Variants in HIVEP2 observed in about 807,000 individuals in gnomAD.
HIVEP2 encodes the protein transcription factor HIVEP2.
In HIVEP2, 14 loss-of-function variants were observed where a neutral mutation model predicts 180.7. The observed-to-expected ratio is 0.08, with a 90% confidence interval of 0.05 to 0.12. The LOEUF (loss-of-function observed/expected upper bound fraction) is 0.12, where lower values mean the gene tolerates loss of function less well. Ranked by LOEUF, HIVEP2 falls within the 10% of genes least tolerant of loss-of-function variation. HIVEP2 has a pLI of 1.00. For synonymous variants in HIVEP2, 1,184 were observed against 1,136.4 expected, an observed-to-expected ratio of 1.04 and a Z score of -0.84; for missense variants, 2,579 against 3,008.5, an observed-to-expected ratio of 0.86 and a Z score of 3.34.
At chr6:142,755,269 T>C (rs1775036224) in intron 9 of HIVEP2, among the ~76,000 whole-genome samples, 1 of 152,228 alleles carries the variant, frequency 6.6e-6, no homozygotes, top group Non-Finnish European at 1.5e-5. Flanking sequence ...ACACTATCGT[T>C]ACCACGACCT....
chr6:142,827,359 A>G lies in HIVEP2; in HGVS notation c.-528+9576T>C, dbSNP rs7774502. On this transcript the variant is annotated intron_variant, in intron 2 of 9. Coordinates refer to ENST00000367603, the MANE Select transcript of HIVEP2 (RefSeq NM_006734.4). ...TATTATTCCTAAAGTTTCAATTATTAATAGTATCCCTATCACCTCCTGCTA... is the reference window on the plus strand; with the variant it reads ...TATTATTCCTAAAGTTTCAATTATTGATAGTATCCCTATCACCTCCTGCTA... Among the ~76,000 whole-genome samples, 514 of 152,318 alleles carry G rather than the reference A, an allele frequency of 3.4e-3. 5 individuals are homozygous for G. The highest frequency in any genetic ancestry group is 0.012 in the African/African-American group (485 of 41,572).
chr6:142,816,044 A>C (rs186342960), intron 2 of HIVEP2, among the ~76,000 whole-genome samples: 1 of 152,336 alleles, frequency 6.6e-6, no homozygotes, highest in Admixed American at 6.5e-5. Context: ...GACACAAAGC[A>C]TGCAGGTGAA....
chr6:142,787,438 A>G (rs1776028847), intron 2 of HIVEP2, among the ~76,000 whole-genome samples: 1 of 152,104 alleles, frequency 6.6e-6, no homozygotes, highest in South Asian at 2.1e-4. Context: ...TTACTCTTAT[A>G]GTAGGGAATA....
chr6:142,844,952 A>G (rs1262075920), intron 1 of HIVEP2, among the ~76,000 whole-genome samples: 1 of 152,226 alleles, frequency 6.6e-6, no homozygotes, highest in African/African-American at 2.4e-5. Context: ...GTCTTCTACA[A>G]ATCTCTTCCC....
intron 2 of HIVEP2, among the ~76,000 whole-genome samples, chr6:142,794,287 C>T (rs917643290): frequency 6.6e-6 from 1 of 152,066 alleles, no homozygotes; most frequent in Admixed American, 6.6e-5. Flanking sequence ...AACAAACACA[C>T]AGATCTCAAT....
At chr6:142,762,452 GCACA>G (rs35168499) in intron 7 of HIVEP2, among the ~76,000 whole-genome samples, 8,687 of 144,004 alleles carry the variant, frequency 0.06, 299 homozygotes, top group Admixed American at 0.11. Flanking sequence ...ACAGAAGAAT[GCACA>G]CACACACACA....
chr6:142,942,679 A>T (rs2128441951), intron 1 of HIVEP2, among the ~76,000 whole-genome samples: 1 of 152,324 alleles, frequency 6.6e-6, no homozygotes, highest in Middle Eastern at 3.4e-3. Flanking sequence ...CTCTACAAGG[A>T]TCTAACCAGT....
chr6:142,917,852 T>C (rs1265048353), intron 1 of HIVEP2, among the ~76,000 whole-genome samples: 6 of 152,184 alleles, frequency 3.9e-5, no homozygotes, highest in Non-Finnish European at 7.3e-5. Context: ...CTTGGCTCAC[T>C]GCAAGCTCCG....
rs1222889223 is a variant in HIVEP2, at chr6:142,945,091, C to G, written c.-641+8G>C. 1 of 147,198 alleles carries G rather than the reference C, an allele frequency of 6.8e-6. No homozygotes were observed. Among genetic ancestry groups the G allele is most frequent in the Non-Finnish European group, 1.5e-5 (1 of 66,274 alleles). The allele number at this position is 147,198 out of a possible 1,614,324, so 9.1% of individuals were successfully genotyped here. A position where few individuals can be genotyped will look rare whatever the true frequency, so the allele number is the denominator to read the frequency against. ...TGCGCCGCGCGCCGCGGCCCCCTCCCCCGCTACCTGACAACGGGCCGCCGC... is the reference window on the plus strand; with the variant it reads ...TGCGCCGCGCGCCGCGGCCCCCTCCGCCGCTACCTGACAACGGGCCGCCGC... On this transcript the variant is annotated splice_region_variant and intron_variant, in intron 1 of 9. Transcript: ENST00000367603. The surrounding 1 kb of genome is among the most constrained non-coding windows in gnomAD (Gnocchi z 5.5).
chr6:142,839,075 T>C (rs1042065751), intron 1 of HIVEP2, among the ~76,000 whole-genome samples: 5 of 152,062 alleles, frequency 3.3e-5, no homozygotes, highest in African/African-American at 1.2e-4. Context: ...AATATATTAG[T>C]CACCCATATG....
intron 1 of HIVEP2, among the ~76,000 whole-genome samples, chr6:142,929,110 A>G (rs1006723719): frequency 6.6e-6 from 1 of 152,118 alleles, no homozygotes; most frequent in Non-Finnish European, 1.5e-5. Context: ...CTCTGCAGCA[A>G]TTCTTGTGTT....
chr6:142,907,112 G>A (rs760094115), intron 1 of HIVEP2, among the ~76,000 whole-genome samples: 20 of 152,156 alleles, frequency 1.3e-4, no homozygotes, highest in African/African-American at 3.9e-4. Context: ...TGAATGGTCC[G>A]TAGCATATTC....
At chr6:142,831,987 T>C (rs1775097745) in intron 2 of HIVEP2, among the ~76,000 whole-genome samples, 1 of 149,950 alleles carries the variant, frequency 6.7e-6, no homozygotes, top group Middle Eastern at 3.4e-3. Context: ...AGGTCAGGAG[T>C]TCAAGACCAG....
rs1366000491 is a variant in HIVEP2 at position 142,772,688 on chromosome 6, A to G, written c.2051T>C (p.Val684Ala). ...ACAGGTAGTTCCAAACATGCTTGGT[A>G]CTCCCTGCAATGGCACCACGGGATC... Reference protein sequence around the residue: ...FMDPVVPLQGVPSMFGTTCEN... With the variant: ...FMDPVVPLQGAPSMFGTTCEN... Residue 684 changes from valine to alanine, a missense_variant, in exon 5 of 10, where the codon GTA (valine) becomes GCA (alanine). By Grantham distance (64) the Val-to-Ala change is moderately conservative. Coordinates refer to ENST00000367603, the MANE Select transcript of HIVEP2 (RefSeq NM_006734.4). The surrounding 1 kb of genome is among the most constrained non-coding windows in gnomAD (Gnocchi z 4.9). 6.2e-7 allele frequency: 1 copy of G among 1,613,688 alleles called. No homozygotes were observed. The highest frequency in any genetic ancestry group is 8.5e-7 in the Non-Finnish European group (1 of 1,179,986).
chr6:142,783,330 A>G (rs1775903893), intron 3 of HIVEP2, among the ~76,000 whole-genome samples, 191 bp downstream of exon 3: 3 of 97,926 alleles, frequency 3.1e-5, no homozygotes, highest in Admixed American at 1.9e-4. Flanking sequence ...CCGTCACAAA[A>G]AAAAAAAAAA....
At chr6:142,914,734 A>G (rs1234048404) in intron 1 of HIVEP2, among the ~76,000 whole-genome samples, 1 of 152,246 alleles carries the variant, frequency 6.6e-6, no homozygotes, top group African/African-American at 2.4e-5. Context: ...TTCATCAAAC[A>G]TAAATATCTA....
intron 2 of HIVEP2, among the ~76,000 whole-genome samples, chr6:142,801,974 C>G (rs1776423534): frequency 6.6e-6 from 1 of 152,182 alleles, no homozygotes; most frequent in African/African-American, 2.4e-5. Flanking sequence ...TTCCATCTCA[C>G]TGTGCCATAT....
chr6:142,847,584 C>T (rs1177454575), intron 1 of HIVEP2, among the ~76,000 whole-genome samples: 1 of 152,110 alleles, frequency 6.6e-6, no homozygotes, highest in Admixed American at 6.5e-5. Context: ...ATGACAAAAT[C>T]AATTCTGTTA....
intron 1 of HIVEP2, among the ~76,000 whole-genome samples, chr6:142,940,493 AT>A (rs1778150239): frequency 6.6e-6 from 1 of 152,186 alleles, no homozygotes; most frequent in Non-Finnish European, 1.5e-5. Flanking sequence ...TAACATGATC[AT>A]TTGGAGGGTC....
Sources: allele counts gnomAD v4.1 joint callset (sites outside exome capture counted in the v4.1 genomes callset), GRCh38; gene constraint gnomAD v4.1.1; non-coding constraint Gnocchi (gnomAD v3.1); transcripts MANE v1.5; gene names NCBI Gene and HGNC (gene_info 2026-07-23, HGNC 2026-07-21).